The following USP46 variants were observed in gnomAD, a reference collection of about 807,000 sequenced individuals.
USP46 encodes ubiquitin carboxyl-terminal hydrolase 46.
In USP46, 12 loss-of-function variants were observed where a neutral mutation model predicts 44.4. That is an observed-to-expected ratio of 0.27 (90% confidence interval 0.17 to 0.44). The LOEUF is 0.44. Ranked by LOEUF, USP46 falls within the 20% of genes least tolerant of loss-of-function variation. The pLI is 1.00. For missense variants in USP46, 248 were observed against 444.8 expected (o/e 0.56, Z 3.98); for synonymous variants, 155 against 161.5 (o/e 0.96, Z 0.31).
chr4:52,634,423 C>T (rs1256942230), intron 1 of USP46, among the ~76,000 whole-genome samples: 2 of 145,148 alleles, frequency 1.4e-5, no homozygotes, highest in African/African-American at 5.1e-5. Context: ...GCAGGAGAAT[C>T]ACTTGAACCC....
chr4:52,627,389 C>A (rs541387133), intron 3 of USP46, among the ~76,000 whole-genome samples: 1 of 152,140 alleles, frequency 6.6e-6, no homozygotes, highest in Non-Finnish European at 1.5e-5. Flanking sequence ...GGAATACACA[C>A]CTAGTTTCTA....
chr4:52,632,998 GAAAGAAA>G lies in USP46; in HGVS notation c.37-1861_37-1855del, dbSNP rs1560406295. 1.1e-3 allele frequency among the ~76,000 whole-genome samples: 128 copies of G among 112,620 alleles called. 2 individuals carry two copies. Among genetic ancestry groups the G allele is most frequent in the African/African-American group, 4.6e-3 (122 of 26,794 alleles). 73.9% of individuals were successfully genotyped at this position (112,620 alleles called of 152,430 possible). A position where few individuals can be genotyped will look rare whatever the true frequency, so the allele number is the denominator to read the frequency against. ...AAAGAAAGAAAGAAAAGAAAAGAAA[GAAAGAAA>G]GAAAGAAAGAAAGAAAGAAAGAAAA... On this transcript the variant is annotated intron_variant, in intron 1 of 8. Coordinates refer to ENST00000441222, the MANE Select transcript of USP46 (RefSeq NM_022832.4).
chr4:52,601,372 T>C (rs895771937), intron 7 of USP46, among the ~76,000 whole-genome samples: 3 of 152,232 alleles, frequency 2.0e-5, no homozygotes, highest in African/African-American at 4.8e-5. Context: ...ATATACTTAT[T>C]ACAGAATGTT....
chr4:52,651,785 T>C (rs1718778434), intron 1 of USP46, among the ~76,000 whole-genome samples: 1 of 152,180 alleles, frequency 6.6e-6, no homozygotes. Context: ...CCAATGTCAA[T>C]TAAACAAAGC....
intron 1 of USP46, among the ~76,000 whole-genome samples, chr4:52,644,841 C>T (rs1209685628): frequency 1.3e-5 from 2 of 151,706 alleles, no homozygotes; most frequent in Non-Finnish European, 2.9e-5. Context: ...GTGGATCACG[C>T]GGTCAGGAGT....
chr4:52,604,406 G>A (rs1447818051), intron 6 of USP46, 95 bp downstream of exon 6: 4 of 978,260 alleles, frequency 4.1e-6, no homozygotes, highest in East Asian at 5.1e-5. Flanking sequence ...ACAAGCCCAG[G>A]TAGCTGAGAT....
chr4:52,644,908 T>C (rs1468899500), intron 1 of USP46, among the ~76,000 whole-genome samples: 2 of 151,900 alleles, frequency 1.3e-5, no homozygotes, highest in African/African-American at 4.8e-5. Context: ...ATACAAAAAA[T>C]TAGCCGGGCG....
chr4:52,612,882 A>G (rs1422197778), intron 4 of USP46, among the ~76,000 whole-genome samples: 19 of 152,312 alleles, frequency 1.2e-4, no homozygotes, highest in Non-Finnish European at 7.3e-5. Flanking sequence ...TTATCCTTTT[A>G]TATGTTTTAT....
chr4:52,638,910 T>G (rs1458500434), intron 1 of USP46, among the ~76,000 whole-genome samples: 5 of 152,242 alleles, frequency 3.3e-5, no homozygotes, highest in Non-Finnish European at 5.9e-5. Context: ...CCTTCACCAC[T>G]TCCCCATTCT....
intron 5 of USP46, among the ~76,000 whole-genome samples, chr4:52,608,964 G>C (rs1716809289): frequency 6.6e-6 from 1 of 152,152 alleles, no homozygotes; most frequent in South Asian, 2.1e-4. Context: ...TAACCAAAAA[G>C]GCCATGCAAG....
Position 52,659,164 on chromosome 4 carries a change from G to A in USP46, c.-14C>T. On this transcript the variant is annotated 5_prime_UTR_variant, in exon 1 of 9. Transcript: ENST00000441222. This position sits in a 1 kb window ranked among gnomAD's most constrained non-coding sequence, Gnocchi z 4.2. ...TCGGACAGTCATTAGTCTAAAGGTT[G>A]CAGCGATCCCTCACCGCCATCTTTA... The A allele has an allele frequency of 1.3e-6, 2 of 1,553,762 alleles. No homozygotes were observed. Among genetic ancestry groups the A allele is most frequent in the Non-Finnish European group, 8.7e-7 (1 of 1,150,566 alleles).
intron 2 of USP46, 85 bp downstream of exon 2, chr4:52,630,979 T>C (rs890499247): frequency 9.2e-7 from 1 of 1,083,950 alleles, no homozygotes; most frequent in African/African-American, 1.6e-5. Flanking sequence ...ATTTAAAAAT[T>C]GGTAGTGATA....
At chr4:52,599,647 TTACTATG>T (rs768427889) in intron 7 of USP46, among the ~76,000 whole-genome samples, 31 of 152,190 alleles carry the variant, frequency 2.0e-4, no homozygotes, top group Non-Finnish European at 4.1e-4. Context: ...TAAGCACCTG[TTACTATG>T]TAGTTAGGTT....
At chr4:52,609,755 T>C (rs1716849851) in intron 5 of USP46, among the ~76,000 whole-genome samples, 1 of 151,854 alleles carries the variant, frequency 6.6e-6, no homozygotes, top group Admixed American at 6.6e-5. Flanking sequence ...TTAAAGGGCA[T>C]TCAGAGGCTA....
chr4:52,608,811 G>A (rs1302051550), intron 5 of USP46, among the ~76,000 whole-genome samples: 1 of 152,158 alleles, frequency 6.6e-6, no homozygotes, highest in Non-Finnish European at 1.5e-5. Context: ...CATCGGCACT[G>A]GGAGAATGGG....
chr4:52,632,990 A>AAAGAAAGAAAGAAAGAAAG, intron 1 of USP46, among the ~76,000 whole-genome samples: 1 of 66,290 alleles, frequency 1.5e-5, no homozygotes, highest in Non-Finnish European at 3.0e-5. Flanking sequence ...GAAAGAAAAG[A>AAAGAAAGAAAGAAAGAAAG]AAAGAAAGAA....
chr4:52,643,514 A>G (rs1718427544), intron 1 of USP46, among the ~76,000 whole-genome samples: 1 of 152,236 alleles, frequency 6.6e-6, no homozygotes, highest in South Asian at 2.1e-4. Context: ...AGTCTAAAGC[A>G]TTTACTGTCC....
At chr4:52,651,724 C>T (rs1202602865) in intron 1 of USP46, among the ~76,000 whole-genome samples, 2 of 152,194 alleles carry the variant, frequency 1.3e-5, no homozygotes, top group Non-Finnish European at 2.9e-5. Flanking sequence ...GCAAGTCCAG[C>T]TTTGCTGCTG....
intron 1 of USP46, among the ~76,000 whole-genome samples, chr4:52,657,040 CAAAAA>C (rs959028429): frequency 1.1e-3 from 33 of 29,256 alleles, no homozygotes; most frequent in African/African-American, 3.5e-3. Context: ...GAGACCTTGT[CAAAAA>C]AAAAAAAAAA....
Sources: gnomAD v4.1 joint callset for allele counts (sites outside exome capture counted in the v4.1 genomes callset) on GRCh38, gnomAD v4.1.1 for gene constraint, Gnocchi (gnomAD v3.1) non-coding constraint, MANE v1.5 for transcripts, NCBI Gene and HGNC (gene_info 2026-07-23, HGNC 2026-07-21) for gene names.